ARHGAP26: variants seen among roughly 807,000 people sequenced by gnomAD.
ARHGAP26 encodes rho GTPase-activating protein 26.
Under a neutral mutation model 104.8 loss-of-function variants are expected in ARHGAP26, and 38 were observed. The ratio of observed to expected loss-of-function variants is 0.36; its 90% CI spans 0.28 to 0.48. The LOEUF (loss-of-function observed/expected upper bound fraction) is 0.48. Among genes scored for constraint, ARHGAP26 ranks in the 20% least tolerant of loss-of-function variants. The pLI, the probability that ARHGAP26 is intolerant of heterozygous loss-of-function variation, is 0.99. For missense variants in ARHGAP26, 704 were observed against 947.9 expected (o/e 0.74, Z 3.38); for synonymous variants, 341 against 340.0 (o/e 1.00, Z -0.03).
chr5:143,142,434 C>G (rs1399703867), intron 19 of ARHGAP26, among the ~76,000 whole-genome samples: 1 of 152,040 alleles, frequency 6.6e-6, no homozygotes, highest in Non-Finnish European at 1.5e-5. Flanking sequence ...GCCACTGCGC[C>G]CGGCCTACTT....
intron 17 of ARHGAP26, among the ~76,000 whole-genome samples, chr5:143,064,487 A>G (rs1787195901): frequency 1.4e-5 from 2 of 147,954 alleles, no homozygotes; most frequent in African/African-American, 2.5e-5. Flanking sequence ...TTCCTGGCCT[A>G]TTTATGGGTA....
intron 11 of ARHGAP26, among the ~76,000 whole-genome samples, chr5:142,949,174 A>AG (rs1767676074): frequency 3.0e-4 from 1 of 3,364 alleles, no homozygotes; most frequent in South Asian, 8.6e-3. Flanking sequence ...CCAGAGAGAG[A>AG]GAGAGAGAGA....
At chr5:142,775,277 T>C (rs1756081521) in intron 1 of ARHGAP26, among the ~76,000 whole-genome samples, 1 of 152,228 alleles carries the variant, frequency 6.6e-6, no homozygotes, top group South Asian at 2.1e-4. Context: ...GTTTTGTCTG[T>C]GTTTTGGATT....
At chr5:143,168,277 G>A (rs1001046926) in intron 20 of ARHGAP26, among the ~76,000 whole-genome samples, 3 of 152,062 alleles carry the variant, frequency 2.0e-5, no homozygotes, top group Non-Finnish European at 4.4e-5. Context: ...AGACACTAAA[G>A]CTGGGGAAGC....
chr5:143,012,566 T>TATATATATATAC (rs1779010548), intron 11 of ARHGAP26, among the ~76,000 whole-genome samples: 1 of 84,336 alleles, frequency 1.2e-5, no homozygotes, highest in Non-Finnish European at 2.9e-5. Flanking sequence ...TATATATATA[T>TATATATATATAC]ATATATATAT....
intron 16 of ARHGAP26, among the ~76,000 whole-genome samples, chr5:143,056,711 T>C (rs192562746): frequency 6.6e-6 from 1 of 152,288 alleles, no homozygotes; most frequent in East Asian, 1.9e-4. Flanking sequence ...GGCAGAAAGA[T>C]TCTCTATCAG....
At chr5:143,109,580 G>A (rs1450030430) in intron 17 of ARHGAP26, among the ~76,000 whole-genome samples, 2 of 151,776 alleles carry the variant, frequency 1.3e-5, no homozygotes, top group African/African-American at 2.4e-5. Context: ...TCAGCTTCCC[G>A]AGTAGCTGGG....
chr5:143,120,028 A>G (rs1212222430), intron 17 of ARHGAP26, among the ~76,000 whole-genome samples: 1 of 152,186 alleles, frequency 6.6e-6, no homozygotes, highest in East Asian at 1.9e-4. Flanking sequence ...TCTCTACCCA[A>G]TTTGTCTCTA....
intron 1 of ARHGAP26, among the ~76,000 whole-genome samples, chr5:142,861,301 A>G (rs893961648): frequency 4.6e-5 from 7 of 151,670 alleles, no homozygotes; most frequent in Non-Finnish European, 1.0e-4. Context: ...AGTGAAACCA[A>G]TTTCTGGGAA....
chr5:143,190,408 C>T (rs1190008777), intron 20 of ARHGAP26, among the ~76,000 whole-genome samples: 2 of 152,120 alleles, frequency 1.3e-5, no homozygotes, highest in African/African-American at 2.4e-5. Flanking sequence ...GCAGATGCAG[C>T]ATGTCAGGAA....
chr5:143,203,581 C>T (rs1334929340), intron 20 of ARHGAP26: 1 of 152,130 alleles, frequency 6.6e-6, no homozygotes, highest in African/African-American at 2.4e-5. Flanking sequence ...TGTATACACC[C>T]AAAGGATTAT....
At chr5:143,140,539 G>C (rs759463595) in intron 19 of ARHGAP26, among the ~76,000 whole-genome samples, 10 of 152,148 alleles carry the variant, frequency 6.6e-5, no homozygotes, top group Non-Finnish European at 8.8e-5. Flanking sequence ...ATAAATGTTA[G>C]CTACAATTAT....
intron 12 of ARHGAP26, among the ~76,000 whole-genome samples, chr5:143,034,130 C>A (rs1157094696): frequency 2.0e-5 from 3 of 152,146 alleles, no homozygotes; most frequent in African/African-American, 7.2e-5. Context: ...GAAATTGGAA[C>A]CCTCGTACAT....
intron 1 of ARHGAP26, among the ~76,000 whole-genome samples, chr5:142,809,869 C>A (rs567704322): frequency 6.6e-6 from 1 of 152,336 alleles, no homozygotes; most frequent in Admixed American, 6.5e-5. Flanking sequence ...GCATTTGGTT[C>A]TGGGAATACA....
chr5:142,783,343 C>T (rs535372320), intron 1 of ARHGAP26, among the ~76,000 whole-genome samples: 9 of 152,282 alleles, frequency 5.9e-5, no homozygotes, highest in Non-Finnish European at 1.2e-4. Context: ...GCATTGCCAG[C>T]GGATGTGGGG....
At chr5:142,771,142 G>C in intron 1 of ARHGAP26, 1 of 1,299,568 alleles carries the variant, frequency 7.7e-7, no homozygotes, top group Non-Finnish European at 9.8e-7. Context: ...GGATGGTCGG[G>C]AGGTGACCCA....
rs115815346 is a variant in ARHGAP26 at position 143,108,310 on chromosome 5, T to C, written c.1539-12678T>C. Among the ~76,000 whole-genome samples, 1,298 of 152,300 alleles carry C rather than the reference T, an allele frequency of 8.5e-3. 18 individuals carry two copies. The highest frequency in any genetic ancestry group is 0.029 in the African/African-American group (1,212 of 41,540). ...AATGTGGATGTACTATACCAGTAAT[T>C]TTCATGGATGTTAGAGCTCTAGGAT... On this transcript the variant is annotated intron_variant, in intron 17 of 22. Transcript: ENST00000645722.
At chr5:142,997,794 C>G (rs1310943740) in intron 11 of ARHGAP26, among the ~76,000 whole-genome samples, 3 of 150,520 alleles carry the variant, frequency 2.0e-5, no homozygotes, top group Non-Finnish European at 1.5e-5. Context: ...GGTGATTTTG[C>G]TAAAGTGGTC....
intron 1 of ARHGAP26, among the ~76,000 whole-genome samples, chr5:142,813,844 C>G (rs77003549): frequency 0.12 from 18,098 of 152,210 alleles, 1,409 homozygotes; most frequent in East Asian, 0.3. Flanking sequence ...GGCCTCAATT[C>G]AGCCCTTGAC....
Sources: gnomAD v4.1 joint callset for allele counts (sites outside exome capture counted in the v4.1 genomes callset) on GRCh38, gnomAD v4.1.1 for gene constraint, MANE v1.5 for transcripts, NCBI Gene and HGNC (gene_info 2026-07-23, HGNC 2026-07-21) for gene names.